GRIPAP1: variants seen among roughly 807,000 people sequenced by gnomAD.
GRIPAP1 encodes GRIP1 associated protein 1.
In GRIPAP1, 14 loss-of-function variants were observed where a neutral mutation model predicts 84.1. The ratio of observed to expected loss-of-function variants is 0.17; its 90% CI spans 0.11 to 0.26. The LOEUF (loss-of-function observed/expected upper bound fraction) is 0.26, where lower values mean the gene tolerates loss of function less well. GRIPAP1 is among the 10% of genes least tolerant of loss of function. The pLI is 1.00. For synonymous variants in GRIPAP1, 261 were observed against 256.8 expected, an observed-to-expected ratio of 1.02 and a Z score of -0.15; for missense variants, 518 against 674.2, an observed-to-expected ratio of 0.77 and a Z score of 2.57.
intron 6 of GRIPAP1, among the ~76,000 whole-genome samples, chrX:48,992,226 G>A (rs782097770): frequency 1.7e-4 from 19 of 112,174 alleles, no homozygotes; most frequent in Non-Finnish European, 2.4e-4. Context: ...GGCTGGTCTT[G>A]AACTCCTGAC....
intron 13 of GRIPAP1, among the ~76,000 whole-genome samples, chrX:48,987,090 C>T (rs1274609509): frequency 3.7e-5 from 4 of 107,633 alleles, no homozygotes; most frequent in Non-Finnish European, 7.7e-5. Context: ...TCAGGTGATC[C>T]GCCCTCCTCG....
Position 48,978,416 on chromosome X carries a change from G to C in GRIPAP1, c.1950C>G (p.Leu650=). 1 of 1,203,743 alleles carries C rather than the reference G, an allele frequency of 8.3e-7. No individual in the cohort carries two copies. The change falls in exon 22 of 26, where the codon CTC becomes CTG. Residue 650 remains leucine (L), a synonymous_variant. Transcript: ENST00000376423. ...KSRSGLEELV[L]SEMNSPSRTQ... Reference sequence around the variant, plus strand: ...TCCGGCTTGGTGAGTTCATCTCTGAGAGAACCAGCTCCTCAAGGCCTGGGT... The same window carrying C: ...TCCGGCTTGGTGAGTTCATCTCTGACAGAACCAGCTCCTCAAGGCCTGGGT...
chrX:48,988,925 T>C (rs1602474430), intron 11 of GRIPAP1, among the ~76,000 whole-genome samples: 1 of 110,734 alleles, frequency 9.0e-6, no homozygotes, highest in African/African-American at 3.3e-5. Flanking sequence ...AGACTCACCT[T>C]TTCTAGAAGG....
At chrX:48,976,391 GC>G in intron 22 of GRIPAP1, 28 bp from the exon 23 acceptor site, 1 of 1,185,135 alleles carries the variant, frequency 8.4e-7, no homozygotes. Flanking sequence ...GGAGAGGCCA[GC>G]CCCGGGCTCA....
chrX:48,990,189 A>G (rs2064512597), intron 8 of GRIPAP1, among the ~76,000 whole-genome samples, 186 bp from the exon 9 acceptor site: 1 of 111,801 alleles, frequency 8.9e-6, no homozygotes, highest in Non-Finnish European at 1.9e-5. Context: ...GGGGAAACAG[A>G]GTCTTGGAAA....
intron 13 of GRIPAP1, among the ~76,000 whole-genome samples, chrX:48,987,100 G>A (rs1225230826): frequency 3.9e-5 from 4 of 102,585 alleles, no homozygotes; most frequent in East Asian, 3.1e-4. Flanking sequence ...CGCCCTCCTC[G>A]GCCTCCCAAA....
chrX:48,987,687 G>A (rs1408291129), intron 13 of GRIPAP1, 98 bp downstream of exon 13: 19 of 542,881 alleles, frequency 3.5e-5, no homozygotes, highest in Non-Finnish European at 3.8e-5. Context: ...CAGGAGAACA[G>A]CATGGGGTCC....
In GRIPAP1 at chrX:48,988,168, C is replaced by A. The variant is rs781938487; in HGVS notation, c.901G>T (p.Gly301Trp). 2 of 1,200,319 alleles carry A rather than the reference C, an allele frequency of 1.7e-6. No individual in the cohort carries two copies. Among genetic ancestry groups the A allele is most frequent in the South Asian group, 1.8e-5 (1 of 55,224 alleles). The change falls in exon 12 of 26, where the codon GGG becomes TGG. Residue 301 changes from glycine (G) to tryptophan (W), a missense_variant. Transcript: ENST00000376423. Reference protein sequence around the residue: ...SLAELRDQRQGERLEHAAALR... With the variant: ...SLAELRDQRQWERLEHAAALR... Reference sequence around the variant, plus strand: ...GCTGCTGCATGTTCCAGGCGCTCCCCCTGCCGCTGATCTCTCAGCTCTGCC... The same window carrying A: ...GCTGCTGCATGTTCCAGGCGCTCCCACTGCCGCTGATCTCTCAGCTCTGCC...
At chrX:49,001,878 T>G (rs999059173) in intron 1 of GRIPAP1, among the ~76,000 whole-genome samples, 3 of 110,334 alleles carry the variant, frequency 2.7e-5, no homozygotes, top group Non-Finnish European at 5.7e-5. Flanking sequence ...CAAAGCCCAT[T>G]ATCATCACCC....
chrX:48,975,676 T>G, intron 24 of GRIPAP1: 1 of 331,907 alleles, frequency 3.0e-6, no homozygotes, highest in Non-Finnish European at 5.2e-6. Flanking sequence ...GAAAACAATA[T>G]AGACAGCGAG....
At chrX:48,983,559 G>A in intron 15 of GRIPAP1, 119 bp from the exon 16 acceptor site, 1 of 593,657 alleles carries the variant, frequency 1.7e-6, no homozygotes. Flanking sequence ...CCACTGAACT[G>A]GCTAAGGCAC....
intron 1 of GRIPAP1, among the ~76,000 whole-genome samples, chrX:49,000,364 CAAAAAAAAAAA>C (rs1156902802): frequency 8.1e-4 from 18 of 22,230 alleles, no homozygotes; most frequent in African/African-American, 2.4e-3. Flanking sequence ...GACTCTGTCT[CAAAAAAAAAAA>C]AAAAAAAAAA....
At chrX:49,001,839 G>A (rs1341067911) in intron 1 of GRIPAP1, among the ~76,000 whole-genome samples, 1 of 110,265 alleles carries the variant, frequency 9.1e-6, no homozygotes. Context: ...CAGACAAAAT[G>A]GTTTCGCCTT....
chrX:48,991,347 A>G, intron 6 of GRIPAP1: 1 of 370,992 alleles, frequency 2.7e-6, no homozygotes, highest in Non-Finnish European at 4.7e-6. Context: ...TGGAATGATC[A>G]CAGTTCACTG....
intron 15 of GRIPAP1, 84 bp from the exon 16 acceptor site, chrX:48,983,524 A>G (rs1306881684): frequency 5.0e-6 from 4 of 799,388 alleles, no homozygotes; most frequent in African/African-American, 4.1e-5. Context: ...CCAAGGAACT[A>G]GCCAAACTCC....
intron 24 of GRIPAP1, 148 bp downstream of exon 24, chrX:48,975,870 C>G (rs782141958): frequency 1.2e-4 from 54 of 467,007 alleles, no homozygotes; most frequent in Admixed American, 2.7e-4. Context: ...AGAGACAGTG[C>G]TTTCCTGTTC....
rs782460479 is a variant in GRIPAP1 at position 48,999,547 on chromosome X, G to A, written c.43-43C>T. ...AGGGAAAAGACTTGGTCAGGAAAGC[G>A]CCCCTACCCCTACCATGAGGGAACC... On this transcript the variant is annotated intron_variant, in intron 1 of 25. Coordinates refer to ENST00000376423, the MANE Select transcript of GRIPAP1 (RefSeq NM_020137.5). 2.7e-5 allele frequency: 27 copies of A among 989,756 alleles called. No homozygotes were observed. The South Asian group carries it at 3.1e-4, about 12-fold the overall frequency. The allele number at this position is 989,756 out of a possible 1,213,427, so 81.6% of individuals were successfully genotyped here. A position where few individuals can be genotyped will look rare whatever the true frequency, so the allele number is the denominator to read the frequency against.
chrX:48,997,425 C>G (rs1412042222), intron 4 of GRIPAP1, 68 bp from the exon 5 acceptor site: 1 of 609,168 alleles, frequency 1.6e-6, no homozygotes, highest in Admixed American at 2.7e-5. Context: ...GGCAAAGAAA[C>G]AGAGAGAGGG....
At chrX:48,983,630 G>T in intron 15 of GRIPAP1, 145 bp downstream of exon 15, 1 of 548,491 alleles carries the variant, frequency 1.8e-6, no homozygotes. Context: ...CATGGATTTG[G>T]CCAAGAAACT....
Sources: gnomAD v4.1 joint callset for allele counts (sites outside exome capture counted in the v4.1 genomes callset) on GRCh38, gnomAD v4.1.1 for gene constraint, MANE v1.5 for transcripts, NCBI Gene and HGNC (gene_info 2026-07-23, HGNC 2026-07-21) for gene names.